GUCY1A2: variants seen among roughly 807,000 people sequenced by gnomAD.
The protein encoded by GUCY1A2 is guanylate cyclase soluble subunit alpha-2.
GUCY1A2 carries 27 observed loss-of-function variants against 63.5 expected under a neutral mutation model. That is an observed-to-expected ratio of 0.43 (90% CI 0.31 to 0.59). The LOEUF (loss-of-function observed/expected upper bound fraction) is 0.59. GUCY1A2 is among the 20% of genes least tolerant of loss of function. GUCY1A2 has a pLI of 0.11. For missense variants in GUCY1A2, 768 were observed against 913.3 expected, an observed-to-expected ratio of 0.84 and a Z score of 2.05; for synonymous variants, 364 against 343.5, an observed-to-expected ratio of 1.06 and a Z score of -0.66.
chr11:106,785,140 C>T (rs1285862022), intron 5 of GUCY1A2, among the ~76,000 whole-genome samples: 1 of 152,178 alleles, frequency 6.6e-6, no homozygotes, highest in East Asian at 1.9e-4. Context: ...GTCTGATTCT[C>T]AGAGACCCTA....
chr11:106,907,903 C>T (rs913478427), intron 4 of GUCY1A2, among the ~76,000 whole-genome samples: 1 of 152,082 alleles, frequency 6.6e-6, no homozygotes, highest in Non-Finnish European at 1.5e-5. Flanking sequence ...TATCTTTATG[C>T]ATGTAAGTTT....
intron 4 of GUCY1A2, among the ~76,000 whole-genome samples, chr11:106,833,046 A>G (rs1026359082): frequency 6.6e-6 from 1 of 151,946 alleles, no homozygotes; most frequent in African/African-American, 2.4e-5. Context: ...ACAGATCTCC[A>G]TTCTCTCTCC....
chr11:106,912,705 T>C (rs1219236624), intron 4 of GUCY1A2, among the ~76,000 whole-genome samples: 1 of 152,154 alleles, frequency 6.6e-6, no homozygotes, highest in African/African-American at 2.4e-5. Flanking sequence ...CTAACAGCAC[T>C]TGGATGCTAT....
chr11:106,955,580 G>T (rs767907907), intron 3 of GUCY1A2, among the ~76,000 whole-genome samples: 4 of 152,132 alleles, frequency 2.6e-5, no homozygotes, highest in Admixed American at 6.5e-5. Context: ...TTGGCTAGAT[G>T]TGAAATTCTG....
intron 1 of GUCY1A2, 95 bp from the exon 2 acceptor site, chr11:106,986,226 T>C (rs2120140234): frequency 1.4e-6 from 1 of 695,232 alleles, no homozygotes; most frequent in Non-Finnish European, 2.5e-6. Flanking sequence ...GCTTCTGATT[T>C]ATCTCTTGAG....
intron 6 of GUCY1A2, among the ~76,000 whole-genome samples, chr11:106,716,964 G>A (rs1292161158): frequency 2.0e-5 from 3 of 151,996 alleles, no homozygotes; most frequent in Admixed American, 6.6e-5. Context: ...CAGCAGATCC[G>A]CTTGTAGAGC....
chr11:106,803,555 C>T (rs1032608525), intron 5 of GUCY1A2, among the ~76,000 whole-genome samples: 13 of 152,174 alleles, frequency 8.5e-5, no homozygotes, highest in African/African-American at 2.4e-4. Flanking sequence ...CAGACACACG[C>T]GCTTCCCATA....
At chr11:106,777,579 A>C (rs1864380624) in intron 5 of GUCY1A2, among the ~76,000 whole-genome samples, 1 of 151,856 alleles carries the variant, frequency 6.6e-6, no homozygotes. Context: ...CTAACACAGG[A>C]ACGGAAAACC....
intron 5 of GUCY1A2, among the ~76,000 whole-genome samples, chr11:106,806,058 C>T (rs1858679389): frequency 6.6e-6 from 1 of 151,994 alleles, no homozygotes; most frequent in Admixed American, 6.6e-5. Flanking sequence ...AGCTCTGGGC[C>T]TACTAGGTAT....
At position 106,939,555 on chromosome 11, in the gene GUCY1A2, C is replaced by T. The variant is rs569688800; in HGVS notation, c.1111G>A (p.Val371Ile). The change falls in exon 4 of 8, where the codon GTT becomes ATT. Residue 371 changes from valine to isoleucine, a missense_variant. Physicochemically the swap from Val to Ile is conservative, Grantham distance 29. Around this residue, in one of 3 missense-constraint regions of GUCY1A2, gnomAD observed 496 missense variants for 486.9 expected, o/e 1.02. Coordinates refer to ENST00000526355, the MANE Select transcript of GUCY1A2 (RefSeq NM_000855.3). ...EDCFEIVSPK[V>I]NATFERVLLR... ...AGGACCCTTTCAAAGGTGGCATTAA[C>T]CTTTGGAGATACAATCTCGAAGCAG... 39 of 1,613,976 alleles carry T rather than the reference C, an allele frequency of 2.4e-5. No homozygotes were observed. The highest frequency in any genetic ancestry group is 3.1e-5 in the Non-Finnish European group (36 of 1,179,858).
chr11:106,707,646 G>A (rs1053910669), intron 7 of GUCY1A2, among the ~76,000 whole-genome samples: 1 of 151,934 alleles, frequency 6.6e-6, no homozygotes, highest in African/African-American at 2.4e-5. Flanking sequence ...TTATGGGCTA[G>A]ACATTTTTAT....
chr11:106,716,901 C>T (rs896723019), intron 6 of GUCY1A2, among the ~76,000 whole-genome samples: 2 of 151,690 alleles, frequency 1.3e-5, no homozygotes, highest in Non-Finnish European at 2.9e-5. Context: ...TTCTAGTGAA[C>T]GGCTAGAGCC....
At chr11:106,733,705 G>T (rs963021635) in intron 6 of GUCY1A2, among the ~76,000 whole-genome samples, 42 of 134,276 alleles carry the variant, frequency 3.1e-4, no homozygotes, top group Non-Finnish European at 5.2e-4. Context: ...CAGGCCAGGG[G>T]AACTGATTGG....
chr11:106,928,619 G>A (rs529721935), intron 4 of GUCY1A2, among the ~76,000 whole-genome samples: 6 of 152,044 alleles, frequency 3.9e-5, no homozygotes, highest in Non-Finnish European at 8.8e-5. Flanking sequence ...CACACTGTTG[G>A]GCAATTTCAC....
At chr11:106,899,427 C>T (rs1860095640) in intron 4 of GUCY1A2, among the ~76,000 whole-genome samples, 1 of 152,204 alleles carries the variant, frequency 6.6e-6, no homozygotes, top group East Asian at 1.9e-4. Context: ...TCAAAGCATG[C>T]TGTTTCCATG....
At chr11:106,946,411 A>C (rs947058545) in intron 3 of GUCY1A2, among the ~76,000 whole-genome samples, 24 of 152,172 alleles carry the variant, frequency 1.6e-4, no homozygotes, top group Admixed American at 3.3e-4. Flanking sequence ...CATATAGCTC[A>C]CGGATTAAAG....
intron 5 of GUCY1A2, among the ~76,000 whole-genome samples, chr11:106,797,806 G>C (rs1458713264): frequency 1.3e-5 from 2 of 152,118 alleles, no homozygotes; most frequent in South Asian, 2.1e-4. Flanking sequence ...ATGCCCACAA[G>C]AGAAAGCAGG....
intron 4 of GUCY1A2, among the ~76,000 whole-genome samples, chr11:106,886,467 T>C (rs1008121407): frequency 1.4e-4 from 21 of 152,158 alleles, no homozygotes; most frequent in African/African-American, 5.1e-4. Flanking sequence ...TTTTGGGTCT[T>C]CAGTGACTCA....
chr11:106,894,398 C>T (rs766468656), intron 4 of GUCY1A2, among the ~76,000 whole-genome samples: 7 of 152,126 alleles, frequency 4.6e-5, no homozygotes, highest in Non-Finnish European at 7.4e-5. Flanking sequence ...AGATCTAACA[C>T]GCAGAACATC....
Sources: allele counts gnomAD v4.1 joint callset (sites outside exome capture counted in the v4.1 genomes callset), GRCh38; gene constraint gnomAD v4.1.1; regional missense constraint gnomAD v4.1.1; transcripts MANE v1.5; gene names NCBI Gene and HGNC (gene_info 2026-07-23, HGNC 2026-07-21).